AKR1C8: variants seen among roughly 807,000 people sequenced by gnomAD.
AKR1C8 encodes aldo-keto reductase family 1 member C-like protein 1.
At chr10:5,175,108 TCCCTCCC>T in the AKR1C8 span, among the ~76,000 whole-genome samples, 41 of 139,276 alleles carry the variant, frequency 2.9e-4, no homozygotes, top group East Asian at 1.3e-3. Flanking sequence ...CCTAATGCTA[TCCCTCCC>T]CCCTCCCCCC....
At chr10:5,166,928 C>A in the AKR1C8 span, among the ~76,000 whole-genome samples, 2,679 of 137,458 alleles carry the variant, frequency 0.019, 75 homozygotes, top group African/African-American at 0.067. Flanking sequence ...CAATGAACTC[C>A]AACAAATTTA....
chr10:5,130,066 A>G, the AKR1C8 span, among the ~76,000 whole-genome samples: 1 of 151,946 alleles, frequency 6.6e-6, no homozygotes, highest in Non-Finnish European at 1.5e-5. Flanking sequence ...AAAAGATAAT[A>G]CATCATGATC....
At chr10:5,137,273 C>A in the AKR1C8 span, among the ~76,000 whole-genome samples, 1 of 151,994 alleles carries the variant, frequency 6.6e-6, no homozygotes, top group Non-Finnish European at 1.5e-5. Context: ...ATCCTGATAC[C>A]AAAGCCTGGC....
At chr10:5,119,196 GT>G in the AKR1C8 span, among the ~76,000 whole-genome samples, 2 of 152,142 alleles carry the variant, frequency 1.3e-5, no homozygotes, top group African/African-American at 4.8e-5. Flanking sequence ...ATTCAATAAA[GT>G]TTTGCTAGAT....
chr10:5,125,609 A>G, the AKR1C8 span, among the ~76,000 whole-genome samples: 1 of 152,196 alleles, frequency 6.6e-6, no homozygotes, highest in Non-Finnish European at 1.5e-5. Flanking sequence ...TTGTAATCTC[A>G]GCTGTCCCTG....
At chr10:5,129,798 C>T in the AKR1C8 span, among the ~76,000 whole-genome samples, 1 of 151,514 alleles carries the variant, frequency 6.6e-6, no homozygotes, top group Admixed American at 6.6e-5. Context: ...ACAAAAAAAG[C>T]CAAGGATCAG....
chr10:5,182,769 G>T, the AKR1C8 span, among the ~76,000 whole-genome samples: 1 of 151,902 alleles, frequency 6.6e-6, no homozygotes, highest in Non-Finnish European at 1.5e-5. Flanking sequence ...AATAAGCTGG[G>T]TGTGGCAGCA....
chr10:5,136,506 C>T, the AKR1C8 span, among the ~76,000 whole-genome samples: 1 of 152,168 alleles, frequency 6.6e-6, no homozygotes, highest in Non-Finnish European at 1.5e-5. Flanking sequence ...AAGGTCATAC[C>T]ACTGTATTCC....
chr10:5,178,802 T>C, the AKR1C8 span, among the ~76,000 whole-genome samples: 6 of 101,778 alleles, frequency 5.9e-5, no homozygotes, highest in African/African-American at 2.2e-4. Context: ...TTGCAACCCC[T>C]GCCTTTTTTT....
At chr10:5,176,217 C>G in the AKR1C8 span, among the ~76,000 whole-genome samples, 1 of 143,424 alleles carries the variant, frequency 7.0e-6, no homozygotes. Flanking sequence ...TTTCCCAGCA[C>G]CATTTATTAA....
the AKR1C8 span, among the ~76,000 whole-genome samples, chr10:5,145,969 C>T: frequency 7.3e-3 from 1,110 of 151,850 alleles, 15 homozygotes; most frequent in African/African-American, 0.026. Context: ...CAATGATAGA[C>T]TGGATTAAGA....
At chr10:5,121,898 A>G in the AKR1C8 span, among the ~76,000 whole-genome samples, 1 of 152,150 alleles carries the variant, frequency 6.6e-6, no homozygotes, top group South Asian at 2.1e-4. Context: ...TGTTACTTAC[A>G]GACCAACATT....
At chr10:5,142,702 GCA>G in the AKR1C8 span, among the ~76,000 whole-genome samples, 7 of 151,990 alleles carry the variant, frequency 4.6e-5, no homozygotes, top group Non-Finnish European at 1.5e-5. Context: ...TCTTATATGG[GCA>G]CAGTTTAGGG....
At chr10:5,152,177 C>T in the AKR1C8 span, among the ~76,000 whole-genome samples, 217 of 152,164 alleles carry the variant, frequency 1.4e-3, no homozygotes, top group African/African-American at 4.5e-3. Context: ...ACTTGCAGCC[C>T]ACAAAGAATT....
chr10:5,149,628 C>G, the AKR1C8 span, among the ~76,000 whole-genome samples: 1 of 152,004 alleles, frequency 6.6e-6, no homozygotes, highest in Non-Finnish European at 1.5e-5. Flanking sequence ...ATGGAATAGG[C>G]AAGGTAAAAG....
At chr10:5,116,846 A>AAT in the AKR1C8 span, among the ~76,000 whole-genome samples, 1 of 152,134 alleles carries the variant, frequency 6.6e-6, no homozygotes, top group African/African-American at 2.4e-5. Context: ...ATGACTTACA[A>AAT]AATACAGTAA....
At chr10:5,183,538 A>G in the AKR1C8 span, among the ~76,000 whole-genome samples, 1 of 152,308 alleles carries the variant, frequency 6.6e-6, no homozygotes, top group South Asian at 2.1e-4. Flanking sequence ...CCACACATAA[A>G]CATATCTTTC....
At chr10:5,145,136 T>G in the AKR1C8 span, among the ~76,000 whole-genome samples, 1 of 152,162 alleles carries the variant, frequency 6.6e-6, no homozygotes, top group Admixed American at 6.6e-5. Flanking sequence ...AATCATGTGG[T>G]TTTTGTCTTT....
the AKR1C8 span, among the ~76,000 whole-genome samples, chr10:5,167,350 C>T: frequency 6.6e-6 from 1 of 152,156 alleles, no homozygotes; most frequent in Non-Finnish European, 1.5e-5. Context: ...TTTATTGCGG[C>T]ACTATTCACA....
Sources: gnomAD v4.1 joint callset for allele counts (sites outside exome capture counted in the v4.1 genomes callset) on GRCh38, gnomAD v4.1.1 for gene constraint, MANE v1.5 for transcripts, NCBI Gene and HGNC (gene_info 2026-07-23, HGNC 2026-07-21) for gene names.